Variants in CYP27C1 observed in about 807,000 individuals in gnomAD.
CYP27C1 encodes cytochrome P450 27C1.
In CYP27C1, 29 loss-of-function variants were observed where a neutral mutation model predicts 40.6. That is an observed-to-expected ratio of 0.71 (90% CI 0.53 to 0.97). The LOEUF is 0.97. CYP27C1 is among the 50% of genes least tolerant of loss of function. The pLI is 0.00. For missense variants in CYP27C1, 390 were observed against 485.8 expected (o/e 0.80, Z 1.85); for synonymous variants, 198 against 186.8 (o/e 1.06, Z -0.49).
chr2:127,214,782 GT>G (rs57262340), intron 1 of CYP27C1, among the ~76,000 whole-genome samples: 28,753 of 92,506 alleles, frequency 0.31, 3,332 homozygotes, highest in South Asian at 0.41. Flanking sequence ...TCCGTTTTTT[GT>G]TTTTTTTTTT....
In CYP27C1 at chr2:127,212,705, A is replaced by G. The variant is rs561218398; in HGVS notation, c.283-6615T>C. Among the ~76,000 whole-genome samples, 14 of 152,380 alleles carry G rather than the reference A, an allele frequency of 9.2e-5. No homozygotes were observed. In the East Asian group the frequency reaches 2.5e-3, roughly 27 times the overall value. ...GCTATTTATGATAAACCCACAGCCA[A>G]TATCATATTGAATGGACAAAAACTG... On this transcript the variant is annotated intron_variant, in intron 1 of 8. Transcript: ENST00000664447.
chr2:127,204,471 A>AG lies in CYP27C1; in HGVS notation c.474-901dup, dbSNP rs1491343167. Among the ~76,000 whole-genome samples, 7 of 81,604 alleles carry AG rather than the reference A, an allele frequency of 8.6e-5. 1 individual carries two copies. The highest frequency in any genetic ancestry group is 3.8e-4 in the Admixed American group (3 of 7,824). The allele number at this position is 81,604 out of a possible 152,430, so 53.5% of individuals were successfully genotyped here. On this transcript the variant is annotated intron_variant, in intron 2 of 8. Coordinates refer to ENST00000664447, the MANE Select transcript of CYP27C1 (RefSeq NM_001367502.1). ...AAGAAAGAAAGAAAGAAAGAAAGAA[A>AG]GAAAGAAAGAAAGAAAGGAAGGAAG...
chr2:127,187,058 A>G lies in CYP27C1; in HGVS notation c.*213T>C. 1.9e-6 allele frequency: 1 copy of G among 515,852 alleles called. No homozygotes were observed. The highest frequency in any genetic ancestry group is 2.7e-5 in the South Asian group (1 of 36,558). 32.0% of individuals were successfully genotyped at this position (515,852 alleles called of 1,614,324 possible). A position where few individuals can be genotyped will look rare whatever the true frequency, so the allele number is the denominator to read the frequency against. ...TTAAACAGCTGTTTCCCCCAAAGAA[A>G]GGGCAACTTCTGGTATGCACCAGTA... On this transcript the variant is annotated 3_prime_UTR_variant, in exon 9 of 9. Transcript: ENST00000664447.
intron 3 of CYP27C1, among the ~76,000 whole-genome samples, chr2:127,202,540 A>C (rs1418030350): frequency 1.3e-5 from 2 of 152,226 alleles, no homozygotes; most frequent in African/African-American, 4.8e-5. Flanking sequence ...CTGTATGTGC[A>C]TAAAACATCT....
rs1504136 is a variant in CYP27C1, at chr2:127,219,542, T to C, written c.282+447A>G. Among the ~76,000 whole-genome samples, 102,474 of 150,824 alleles carry C rather than the reference T, an allele frequency of 0.68. 35,078 individuals carry two copies. The highest frequency in any genetic ancestry group is 0.9 in the East Asian group (4,487 of 4,960). On this transcript the variant is annotated intron_variant, in intron 1 of 8. Transcript: ENST00000664447. The surrounding 1 kb of genome is among the most constrained non-coding windows in gnomAD (Gnocchi z 8.7). ...CTCCATCCCTGACTCCCCTCCCCGC[T>C]ACCTCCTCCCCAGGGGTCCCGGCTG...
intron 1 of CYP27C1, among the ~76,000 whole-genome samples, chr2:127,211,386 T>G (rs199614361): frequency 0.38 from 47,321 of 124,724 alleles, 8,230 homozygotes; most frequent in East Asian, 0.58. Context: ...TTTTTTTTTT[T>G]TTTTTTTTTT....
At chr2:127,215,128 CAA>C (rs3033461) in intron 1 of CYP27C1, among the ~76,000 whole-genome samples, 80,320 of 120,474 alleles carry the variant, frequency 0.67, 24,433 homozygotes, top group East Asian at 0.88. Flanking sequence ...GACTCCATCT[CAA>C]AAAAAAAAAA....
rs1683041592 is a variant in CYP27C1, at chr2:127,201,837, A to T, written c.674-506T>A. ...GCCCAACTTGAGGAATTGAAAAGTGACTCCTCCTGGCCAAAACGCAGAGCC... is the reference window on the plus strand; with the variant it reads ...GCCCAACTTGAGGAATTGAAAAGTGTCTCCTCCTGGCCAAAACGCAGAGCC... On this transcript the variant is annotated intron_variant, in intron 3 of 8. Coordinates refer to ENST00000664447, the MANE Select transcript of CYP27C1 (RefSeq NM_001367502.1). The surrounding 1 kb of genome is among the most constrained non-coding windows in gnomAD (Gnocchi z 6.0). Among the ~76,000 whole-genome samples, 2 of 151,918 alleles carry T rather than the reference A, an allele frequency of 1.3e-5. No individual in the cohort carries two copies. Among genetic ancestry groups the T allele is most frequent in the Admixed American group, 1.3e-4 (2 of 15,252 alleles).
At chr2:127,204,614 A>AAAGAAAGGAAGAAAGAAAGG (rs1683181525) in intron 2 of CYP27C1, among the ~76,000 whole-genome samples, 1 of 104,182 alleles carries the variant, frequency 9.6e-6, no homozygotes, top group African/African-American at 4.0e-5. Flanking sequence ...AGAAAGAAAG[A>AAAGAAAGGAAGAAAGAAAGG]AAGAAAGAAA....
chr2:127,204,440 A>AAAAGAAAG (rs59482629), intron 2 of CYP27C1, among the ~76,000 whole-genome samples: 4,689 of 41,320 alleles, frequency 0.11, 418 homozygotes, highest in Non-Finnish European at 0.14. Flanking sequence ...GAAAGAAAGA[A>AAAAGAAAG]AAAGAAAGAA....
Position 127,202,747 on chromosome 2 carries a change from T to A in CYP27C1, c.673+625A>T, listed in dbSNP as rs569778084. Among the ~76,000 whole-genome samples, 50 of 152,308 alleles carry A rather than the reference T, an allele frequency of 3.3e-4. No individual in the cohort carries two copies. The South Asian group carries it at 9.7e-3, about 30-fold the overall frequency. On this transcript the variant is annotated intron_variant, in intron 3 of 8. Transcript: ENST00000664447. ...AAAATTATGCTCAAACAAAATGTTT[T>A]TTTTTTTTGAACATGTAAATTAGTA...
At chr2:127,211,369 G>GTTTTTTTTTTTTTTT (rs371826841) in intron 1 of CYP27C1, among the ~76,000 whole-genome samples, 7 of 94,940 alleles carry the variant, frequency 7.4e-5, no homozygotes, top group African/African-American at 1.3e-4. Context: ...GTGTTTTTTT[G>GTTTTTTTTTTTTTTT]TTTTTTTTTT....
intron 7 of CYP27C1, 42 bp downstream of exon 7, chr2:127,193,747 C>A: frequency 6.2e-7 from 1 of 1,610,734 alleles, no homozygotes; most frequent in South Asian, 1.1e-5. Flanking sequence ...CAATTCAACC[C>A]CGACCCGCAA....
chr2:127,188,597 T>C (rs1682691497), intron 8 of CYP27C1, among the ~76,000 whole-genome samples: 1 of 151,958 alleles, frequency 6.6e-6, no homozygotes, highest in Non-Finnish European at 1.5e-5. Flanking sequence ...CAATCACTTG[T>C]GCTGGTAATA....
intron 2 of CYP27C1, among the ~76,000 whole-genome samples, chr2:127,204,625 G>GA (rs112099461): frequency 0.16 from 14,454 of 91,340 alleles, 2,608 homozygotes; most frequent in Middle Eastern, 0.21. Flanking sequence ...AAGAAAGAAA[G>GA]AAGACTGCAG....
chr2:127,199,230 T>G, intron 5 of CYP27C1, 146 bp downstream of exon 5: 8 of 1,021,128 alleles, frequency 7.8e-6, no homozygotes, highest in East Asian at 2.8e-5. Flanking sequence ...GAGGTTGCAG[T>G]GAGCCGAGAC....
intron 5 of CYP27C1, among the ~76,000 whole-genome samples, chr2:127,197,266 A>G (rs1206081308): frequency 6.6e-6 from 1 of 152,216 alleles, no homozygotes; most frequent in Non-Finnish European, 1.5e-5. Flanking sequence ...CATTTAGTTC[A>G]TATACTTTTT....
intron 1 of CYP27C1, among the ~76,000 whole-genome samples, chr2:127,211,543 C>G: frequency 6.6e-6 from 1 of 151,828 alleles, no homozygotes; most frequent in Non-Finnish European, 1.5e-5. Context: ...CTACCACGCC[C>G]AGCTAATTTT....
At position 127,195,878 on chromosome 2, in the gene CYP27C1, C is replaced by T. The variant is rs972395901; in HGVS notation, c.1048-377G>A. On this transcript the variant is annotated intron_variant, in intron 5 of 8. Coordinates refer to ENST00000664447, the MANE Select transcript of CYP27C1 (RefSeq NM_001367502.1). This position sits in a 1 kb window ranked among gnomAD's most constrained non-coding sequence, Gnocchi z 6.2. ...TGTGACCTTCTTTGCAGGGCTTGCTCGGTGTGTGCCAGAAAGGGCCTCAGG... is the reference window on the plus strand; with the variant it reads ...TGTGACCTTCTTTGCAGGGCTTGCTTGGTGTGTGCCAGAAAGGGCCTCAGG... Among the ~76,000 whole-genome samples the T allele has an allele frequency of 6.6e-6, 1 of 151,992 alleles. No homozygotes were observed. Among genetic ancestry groups the T allele is most frequent in the African/African-American group, 2.4e-5 (1 of 41,398 alleles).
Sources: allele counts gnomAD v4.1 joint callset (sites outside exome capture counted in the v4.1 genomes callset), GRCh38; gene constraint gnomAD v4.1.1; non-coding constraint Gnocchi (gnomAD v3.1); transcripts MANE v1.5; gene names NCBI Gene and HGNC (gene_info 2026-07-23, HGNC 2026-07-21).